The following KCNH1 variants were observed in gnomAD, a reference collection of about 807,000 sequenced individuals.
KCNH1 encodes the protein potassium voltage-gated channel subfamily H member 1, also known as voltage-gated delayed rectifier potassium channel KCNH1.
In KCNH1, 27 loss-of-function variants were observed where a neutral mutation model predicts 69.2. The ratio of observed to expected loss-of-function variants is 0.39; its 90% CI spans 0.29 to 0.54. The LOEUF (loss-of-function observed/expected upper bound fraction) is 0.54. Ranked by LOEUF, KCNH1 falls within the 20% of genes least tolerant of loss-of-function variation. KCNH1 has a pLI of 0.68. For missense variants in KCNH1, 798 were observed against 1,261.6 expected, an observed-to-expected ratio of 0.63 and a Z score of 5.57; for synonymous variants, 456 against 487.7, an observed-to-expected ratio of 0.93 and a Z score of 0.86.
intron 5 of KCNH1, among the ~76,000 whole-genome samples, chr1:211,046,318 G>A (rs1187369975): frequency 6.6e-6 from 1 of 151,984 alleles, no homozygotes; most frequent in Non-Finnish European, 1.5e-5. Context: ...TATGTTCTAG[G>A]TTCATATTCT....
chr1:210,850,227 G>A (rs972280765), intron 7 of KCNH1, among the ~76,000 whole-genome samples: 7 of 152,030 alleles, frequency 4.6e-5, no homozygotes, highest in Admixed American at 2.0e-4. Context: ...GGCCAGGTGC[G>A]GTGGCTCAGG....
At chr1:210,798,118 C>A (rs900463455) in intron 8 of KCNH1, among the ~76,000 whole-genome samples, 1 of 144,246 alleles carries the variant, frequency 6.9e-6, no homozygotes, top group African/African-American at 2.6e-5. Flanking sequence ...CGGCTCACTG[C>A]AAGCTCCGCC....
At chr1:211,004,479 T>C (rs1689242208) in intron 6 of KCNH1, among the ~76,000 whole-genome samples, 1 of 152,144 alleles carries the variant, frequency 6.6e-6, no homozygotes, top group South Asian at 2.1e-4. Context: ...TACAATAGAA[T>C]TGTATTTTTC....
At chr1:210,979,371 A>G (rs1433776385) in intron 6 of KCNH1, among the ~76,000 whole-genome samples, 1 of 152,232 alleles carries the variant, frequency 6.6e-6, no homozygotes, top group African/African-American at 2.4e-5. Context: ...TATTTGTGTC[A>G]ATTCTGTCCA....
chr1:210,944,637 G>A (rs1347749883), intron 6 of KCNH1, among the ~76,000 whole-genome samples: 18 of 152,196 alleles, frequency 1.2e-4, no homozygotes, highest in African/African-American at 3.9e-4. Flanking sequence ...GCACAGAGCA[G>A]CAAATGACAA....
At chr1:210,840,657 C>T (rs1685387455) in intron 7 of KCNH1, among the ~76,000 whole-genome samples, 1 of 152,158 alleles carries the variant, frequency 6.6e-6, no homozygotes. Context: ...GTTGCAAAAG[C>T]AAGCTTGGAG....
At chr1:210,801,466 T>C (rs1418571991) in intron 8 of KCNH1, among the ~76,000 whole-genome samples, 3 of 152,184 alleles carry the variant, frequency 2.0e-5, no homozygotes, top group Non-Finnish European at 2.9e-5. Flanking sequence ...GTTGGGTCCA[T>C]GGCTATTCCC....
intron 7 of KCNH1, among the ~76,000 whole-genome samples, chr1:210,916,679 T>C (rs1028847971): frequency 6.6e-6 from 1 of 152,188 alleles, no homozygotes; most frequent in African/African-American, 2.4e-5. Context: ...ATGGAGATAA[T>C]AATCTCTAAC....
At chr1:211,007,174 T>C (rs1689301058) in intron 6 of KCNH1, among the ~76,000 whole-genome samples, 1 of 152,222 alleles carries the variant, frequency 6.6e-6, no homozygotes, top group African/African-American at 2.4e-5. Context: ...TGAGGCACGA[T>C]ATTTCACCAA....
rs529405831 is a variant in KCNH1 at position 210,884,401 on chromosome 1, C to T, written c.1462+35239G>A. On this transcript the variant is annotated intron_variant, in intron 7 of 10. Transcript: ENST00000271751. ...TTCCTGTATCTATTATCTTAGTGAGCCTGTGAGAATCCCATGAGGTAGGCA... is the reference window on the plus strand; with the variant it reads ...TTCCTGTATCTATTATCTTAGTGAGTCTGTGAGAATCCCATGAGGTAGGCA... Among the ~76,000 whole-genome samples the T allele has an allele frequency of 2.3e-3, 344 of 152,294 alleles. 1 individual carries two copies. Among genetic ancestry groups the T allele is most frequent in the African/African-American group, 7.9e-3 (327 of 41,576 alleles).
intron 7 of KCNH1, among the ~76,000 whole-genome samples, chr1:210,870,843 C>G (rs889298539): frequency 6.6e-6 from 1 of 152,082 alleles, no homozygotes; most frequent in African/African-American, 2.4e-5. Context: ...TGAGATCATT[C>G]GGCTTAAGGG....
rs550991636 is a variant in KCNH1 at position 210,748,456 on chromosome 1, T to C, written c.2112+26892A>G. Among the ~76,000 whole-genome samples, 4 of 152,324 alleles carry C rather than the reference T, an allele frequency of 2.6e-5. No homozygotes were observed. The East Asian group carries it at 7.7e-4, about 29-fold the overall frequency. The stretch of plus-strand genomic sequence containing the variant: ...TCCTCGAAATCCTTAAGATTTATTT[T>C]AGAGATAATACAGTGCCTAACACAG... On this transcript the variant is annotated intron_variant, in intron 10 of 10. Coordinates refer to ENST00000271751, the MANE Select transcript of KCNH1 (RefSeq NM_172362.3).
At chr1:210,822,984 C>G (rs1182107096) in intron 7 of KCNH1, among the ~76,000 whole-genome samples, 1 of 152,164 alleles carries the variant, frequency 6.6e-6, no homozygotes, top group African/African-American at 2.4e-5. Context: ...TCCTCAATGC[C>G]TGACACAGAG....
intron 6 of KCNH1, among the ~76,000 whole-genome samples, chr1:210,977,926 G>A (rs1688643743): frequency 6.6e-6 from 1 of 151,668 alleles, no homozygotes; most frequent in Admixed American, 6.6e-5. Context: ...TTCAAAATCT[G>A]CTCTTCTACC....
intron 1 of KCNH1, among the ~76,000 whole-genome samples, chr1:211,113,434 G>T (rs532421397): frequency 1.3e-5 from 2 of 152,276 alleles, no homozygotes; most frequent in African/African-American, 4.8e-5. Context: ...ACTTCTAAAT[G>T]CTTGGGTTCT....
At chr1:210,835,912 C>T (rs1685270426) in intron 7 of KCNH1, among the ~76,000 whole-genome samples, 1 of 151,768 alleles carries the variant, frequency 6.6e-6, no homozygotes, top group African/African-American at 2.4e-5. Flanking sequence ...GGCAGATCAC[C>T]TGAGATCAGG....
rs145205640 is a variant in KCNH1, at chr1:211,093,081, C to G, written c.311-2391G>C. The stretch of plus-strand genomic sequence containing the variant: ...ATGTCTACTCCTAGAATCTCCAGAA[C>G]CCTCCCCTCCCAGCTGCAGCCCTGC... On this transcript the variant is annotated intron_variant, in intron 3 of 10. Transcript: ENST00000271751. Among the ~76,000 whole-genome samples the G allele has an allele frequency of 7.8e-3, 1,187 of 152,228 alleles. 7 individuals are homozygous for G. Among genetic ancestry groups the G allele is most frequent in the Middle Eastern group, 0.014 (4 of 294 alleles).
In KCNH1 at chr1:210,775,378, G is replaced by T. The variant is rs1281691809; in HGVS notation, c.2082C>A (p.Asn694Lys). 1 of 1,614,110 alleles carries T rather than the reference G, an allele frequency of 6.2e-7. No homozygotes were observed. Among genetic ancestry groups the T allele is most frequent in the Non-Finnish European group, 8.5e-7 (1 of 1,179,976 alleles). ...YTAFSHSFSRNLILTYNLRKR... is the reference protein window; with the variant it reads ...YTAFSHSFSRKLILTYNLRKR... ...TCCTCAAGTTGTACGTCAGAATCAG[G>T]TTCCGGGAGAAGGAATGGGAGAAGG... The change falls in exon 10 of 11, where the codon AAC becomes AAA. Residue 694 changes from asparagine to lysine, a missense_variant. This residue lies in a region of KCNH1 where 197 missense variants were observed against 407.7 expected (regional missense o/e 0.48). Coordinates refer to ENST00000271751, the MANE Select transcript of KCNH1 (RefSeq NM_172362.3).
chr1:211,082,382 T>G (rs1468810292), intron 5 of KCNH1, among the ~76,000 whole-genome samples: 4 of 152,206 alleles, frequency 2.6e-5, no homozygotes, highest in Non-Finnish European at 4.4e-5. Context: ...GCCATGTGGT[T>G]GTTGTGATTA....
Sources: gnomAD v4.1 joint callset for allele counts (sites outside exome capture counted in the v4.1 genomes callset) on GRCh38, gnomAD v4.1.1 for gene constraint, gnomAD v4.1.1 regional missense constraint, MANE v1.5 for transcripts, NCBI Gene and HGNC (gene_info 2026-07-23, HGNC 2026-07-21) for gene names.